TASP1: variants seen among roughly 807,000 people sequenced by gnomAD.
TASP1 encodes the protein threonine aspartase 1.
In TASP1, 16 loss-of-function variants were observed where a neutral mutation model predicts 56.6. The observed-to-expected ratio is 0.28, with a 90% confidence interval of 0.19 to 0.43. The LOEUF is 0.43. Among genes scored for constraint, TASP1 ranks in the 20% least tolerant of loss-of-function variants. The pLI, the probability that TASP1 is intolerant of heterozygous loss-of-function variation, is 1.00. For synonymous variants in TASP1, 179 were observed against 184.2 expected (o/e 0.97, Z 0.23); for missense variants, 393 against 511.6 (o/e 0.77, Z 2.24).
At chr20:13,153,378 G>A in the TASP1 span, among the ~76,000 whole-genome samples, 2 of 152,108 alleles carry the variant, frequency 1.3e-5, no homozygotes, top group Admixed American at 1.3e-4. Context: ...CTGGGCCAAT[G>A]TTGTCCTTTT....
At chr20:13,326,680 T>C in the TASP1 span, among the ~76,000 whole-genome samples, 15 of 152,320 alleles carry the variant, frequency 9.8e-5, no homozygotes, top group African/African-American at 3.6e-4. Context: ...CCCAGTCAGG[T>C]CTTTTGTTCA....
chr20:13,589,997 C>T (rs1409683462), intron 4 of TASP1, among the ~76,000 whole-genome samples: 4 of 152,126 alleles, frequency 2.6e-5, no homozygotes, highest in South Asian at 2.1e-4. Flanking sequence ...TTTGGGAGGC[C>T]GAGGCAGGCA....
chr20:13,521,260 A>C (rs866305345), intron 10 of TASP1, among the ~76,000 whole-genome samples: 90 of 152,200 alleles, frequency 5.9e-4, no homozygotes, highest in Middle Eastern at 3.4e-3. Flanking sequence ...TTGACCCAGC[A>C]ATCCCATTAC....
the TASP1 span, among the ~76,000 whole-genome samples, chr20:13,283,782 T>C: frequency 6.6e-6 from 1 of 152,220 alleles, no homozygotes; most frequent in Non-Finnish European, 1.5e-5. Flanking sequence ...GTACTGCTTA[T>C]TGTTACTTGG....
At chr20:13,609,320 T>C (rs151170164) in intron 4 of TASP1, among the ~76,000 whole-genome samples, 1 of 152,316 alleles carries the variant, frequency 6.6e-6, no homozygotes, top group African/African-American at 2.4e-5. Flanking sequence ...GAAAAAATTA[T>C]AACCTTGCAT....
chr20:13,195,081 T>C, the TASP1 span, among the ~76,000 whole-genome samples: 4 of 152,156 alleles, frequency 2.6e-5, no homozygotes, highest in African/African-American at 9.7e-5. Flanking sequence ...ATACGAATGG[T>C]AAAACCTACT....
At chr20:13,428,123 T>C (rs1175777487) in intron 12 of TASP1, among the ~76,000 whole-genome samples, 1 of 152,158 alleles carries the variant, frequency 6.6e-6, no homozygotes, top group East Asian at 1.9e-4. Context: ...TTGCTTAAGA[T>C]TTTTCTATAT....
the TASP1 span, among the ~76,000 whole-genome samples, chr20:13,258,186 G>T: frequency 1.3e-5 from 2 of 151,912 alleles, no homozygotes; most frequent in Non-Finnish European, 2.9e-5. Context: ...TTATTTCTTG[G>T]GCACATGATC....
intron 4 of TASP1, 151 bp from the exon 5 acceptor site, chr20:13,587,521 C>T: frequency 1.7e-6 from 1 of 597,464 alleles, no homozygotes. Flanking sequence ...TAAAACATGA[C>T]AAAGATATCA....
intron 8 of TASP1, among the ~76,000 whole-genome samples, chr20:13,550,866 T>A (rs2045961308): frequency 6.6e-6 from 1 of 152,096 alleles, no homozygotes; most frequent in Non-Finnish European, 1.5e-5. Flanking sequence ...AATGGAACAA[T>A]CTGAGGAAAA....
chr20:13,552,648 G>C (rs1045995150), intron 8 of TASP1, among the ~76,000 whole-genome samples: 5 of 152,144 alleles, frequency 3.3e-5, no homozygotes, highest in African/African-American at 1.2e-4. Flanking sequence ...TGGTGACACT[G>C]AAAGAGCAAA....
intron 10 of TASP1, among the ~76,000 whole-genome samples, chr20:13,507,534 GA>G (rs1028871422): frequency 6.6e-6 from 1 of 151,024 alleles, no homozygotes; most frequent in African/African-American, 2.4e-5. Flanking sequence ...TGTCTCAAAA[GA>G]AAAAAACAAA....
At chr20:13,301,720 TG>T in the TASP1 span, among the ~76,000 whole-genome samples, 2 of 152,104 alleles carry the variant, frequency 1.3e-5, no homozygotes, top group African/African-American at 4.8e-5. Flanking sequence ...GAGAATTGGC[TG>T]GCAATGGAAT....
At chr20:13,281,677 G>A in the TASP1 span, among the ~76,000 whole-genome samples, 41 of 152,300 alleles carry the variant, frequency 2.7e-4, 1 homozygote, top group East Asian at 3.1e-3. Flanking sequence ...TAGGACAGTA[G>A]AAGGATCTAG....
At chr20:13,475,631 A>G (rs200970746) in intron 11 of TASP1, among the ~76,000 whole-genome samples, 16 of 152,286 alleles carry the variant, frequency 1.1e-4, no homozygotes, top group South Asian at 8.3e-4. Flanking sequence ...ATGGTGGCTC[A>G]TGCCTGTAAT....
chr20:13,149,974 G>C, the TASP1 span, among the ~76,000 whole-genome samples: 1 of 152,292 alleles, frequency 6.6e-6, no homozygotes, highest in Non-Finnish European at 1.5e-5. Context: ...GGAATCATCA[G>C]GACCAGCCTG....
chr20:13,471,680 C>A (rs1485798426), intron 11 of TASP1, among the ~76,000 whole-genome samples: 1 of 152,160 alleles, frequency 6.6e-6, no homozygotes, highest in Non-Finnish European at 1.5e-5. Flanking sequence ...TAGAATAAAA[C>A]TGTATTTACT....
chr20:13,237,644 C>T, the TASP1 span, among the ~76,000 whole-genome samples: 1 of 152,092 alleles, frequency 6.6e-6, no homozygotes, highest in Non-Finnish European at 1.5e-5. Flanking sequence ...TAGGTGTCTT[C>T]AGTTTGTGAA....
chr20:13,563,985 A>G (rs986024515), intron 7 of TASP1, among the ~76,000 whole-genome samples: 4 of 152,176 alleles, frequency 2.6e-5, no homozygotes, highest in African/African-American at 7.2e-5. Context: ...AATCAGAAAC[A>G]TGACAAGGAT....
Sources: allele counts gnomAD v4.1 joint callset (sites outside exome capture counted in the v4.1 genomes callset), GRCh38; gene constraint gnomAD v4.1.1; transcripts MANE v1.5; gene names NCBI Gene and HGNC (gene_info 2026-07-23, HGNC 2026-07-21).